ETNK1: variants seen among roughly 807,000 people sequenced by gnomAD.
The protein encoded by ETNK1 is ethanolamine kinase 1.
In ETNK1, 8 loss-of-function variants were observed where a neutral mutation model predicts 45.1. That is an observed-to-expected ratio of 0.18 (90% CI 0.10 to 0.32). ETNK1 has a LOEUF of 0.32. Among genes scored for constraint, ETNK1 ranks in the 10% least tolerant of loss-of-function variants. ETNK1 has a pLI of 1.00. For missense variants in ETNK1, 302 were observed against 430.6 expected (o/e 0.70, Z 2.64); for synonymous variants, 152 against 151.9 (o/e 1.00, Z -0.01).
chr12:22,661,003 C>A, intron 3 of ETNK1, 60 bp from the exon 4 acceptor site: 2 of 1,447,662 alleles, frequency 1.4e-6, no homozygotes, highest in Non-Finnish European at 1.9e-6. Flanking sequence ...AGATTTTAAT[C>A]CTTAATCAAA....
chr12:22,677,088 C>T (rs1484293270), intron 6 of ETNK1, among the ~76,000 whole-genome samples: 3 of 152,112 alleles, frequency 2.0e-5, no homozygotes, highest in Non-Finnish European at 4.4e-5. Context: ...TTTGCCCATG[C>T]CTGTGTCCTG....
At chr12:22,684,815 G>T in intron 7 of ETNK1, 67 bp from the exon 8 acceptor site, 1 of 1,290,658 alleles carries the variant, frequency 7.7e-7, no homozygotes, top group South Asian at 1.3e-5. Context: ...AGGACTGAGT[G>T]AAAATAAGGG....
intron 6 of ETNK1, among the ~76,000 whole-genome samples, chr12:22,681,290 A>G (rs1404156996): frequency 6.6e-6 from 1 of 152,056 alleles, no homozygotes. Flanking sequence ...TTATATAAGT[A>G]TATGAATAAA....
At chr12:22,634,247 G>GA (rs1251705078) in intron 1 of ETNK1, among the ~76,000 whole-genome samples, 1 of 151,618 alleles carries the variant, frequency 6.6e-6, no homozygotes, top group African/African-American at 2.4e-5. Context: ...TACTTTGATT[G>GA]AAAAAAAATT....
Position 22,634,297 on chromosome 12 carries a change from A to G in ETNK1, c.156+8711A>G, listed in dbSNP as rs532286353. On this transcript the variant is annotated intron_variant, in intron 1 of 7. Coordinates refer to ENST00000266517, the MANE Select transcript of ETNK1 (RefSeq NM_018638.5). The stretch of plus-strand genomic sequence containing the variant: ...CCTTTGCATTCCTGGAGAAAACCCT[A>G]TTTGGTTGTATATAGTCTCTTTTTT... Among the ~76,000 whole-genome samples, 6 of 152,158 alleles carry G rather than the reference A, an allele frequency of 3.9e-5. No individual in the cohort carries two copies. In the South Asian group the frequency reaches 1.0e-3, roughly 26 times the overall value.
intron 1 of ETNK1, among the ~76,000 whole-genome samples, chr12:22,634,283 C>G (rs947781135): frequency 6.6e-5 from 10 of 151,862 alleles, no homozygotes; most frequent in Non-Finnish European, 1.3e-4. Flanking sequence ...CTTTGCATTC[C>G]TGGAGAAAAC....
chr12:22,639,689 A>G (rs1953710302), intron 1 of ETNK1, among the ~76,000 whole-genome samples: 1 of 152,062 alleles, frequency 6.6e-6, no homozygotes, highest in South Asian at 2.1e-4. Context: ...AAAAAGAGGA[A>G]GATCTAGAAC....
At chr12:22,678,145 C>T (rs1027889762) in intron 6 of ETNK1, among the ~76,000 whole-genome samples, 6 of 152,096 alleles carry the variant, frequency 3.9e-5, no homozygotes, top group Non-Finnish European at 5.9e-5. Context: ...TAATTTCCTC[C>T]GACTGTTTAT....
chr12:22,649,664 C>G lies in ETNK1; in HGVS notation c.416+5642C>G, dbSNP rs146952180. ...GGTAGTGTTAGTCCTCCAACTTGTT[C>G]TTGTCTTTCAATATTGTGTTGGCTA... On this transcript the variant is annotated intron_variant, in intron 2 of 7. Coordinates refer to ENST00000266517, the MANE Select transcript of ETNK1 (RefSeq NM_018638.5). Among the ~76,000 whole-genome samples, 482 of 152,142 alleles carry G rather than the reference C, an allele frequency of 3.2e-3. 3 individuals are homozygous for G. Among genetic ancestry groups the G allele is most frequent in the African/African-American group, 0.011 (469 of 41,538 alleles).
chr12:22,672,394 A>G (rs1440537027), intron 5 of ETNK1, among the ~76,000 whole-genome samples: 1 of 152,038 alleles, frequency 6.6e-6, no homozygotes, highest in African/African-American at 2.4e-5. Flanking sequence ...ATATTTTTAT[A>G]TACTTCAGAT....
chr12:22,636,302 GA>G (rs1484108521), intron 1 of ETNK1, among the ~76,000 whole-genome samples: 1 of 151,888 alleles, frequency 6.6e-6, no homozygotes, highest in African/African-American at 2.4e-5. Flanking sequence ...TGAGGTCTTG[GA>G]AAAAAATAGT....
intron 3 of ETNK1, among the ~76,000 whole-genome samples, chr12:22,659,751 A>G (rs185592111): frequency 1.3e-5 from 2 of 152,230 alleles, no homozygotes; most frequent in Non-Finnish European, 2.9e-5. Flanking sequence ...TTTAAAAATT[A>G]CTATTGTTAT....
At chr12:22,649,951 CTT>C (rs957623773) in intron 2 of ETNK1, among the ~76,000 whole-genome samples, 1 of 151,936 alleles carries the variant, frequency 6.6e-6, no homozygotes, top group Non-Finnish European at 1.5e-5. Flanking sequence ...TGGAATATCT[CTT>C]ATTTAGTTAT....
Position 22,684,867 on chromosome 12 carries a change from C to T in ETNK1, c.1020-15C>T, listed in dbSNP as rs1954246447. The stretch of plus-strand genomic sequence containing the variant: ...AGCTTTGACTAATTTTTTTGTTGTT[C>T]TCTTTTCTCACTAGGTATGCAATTG... On this transcript the variant is annotated splice_polypyrimidine_tract_variant and intron_variant, in intron 7 of 7. Transcript: ENST00000266517. The T allele has an allele frequency of 1.3e-5, 20 of 1,587,470 alleles. No individual in the cohort carries two copies. Among genetic ancestry groups the T allele is most frequent in the Non-Finnish European group, 1.4e-5 (16 of 1,170,300 alleles).
At chr12:22,670,027 C>G (rs1205766398) in intron 4 of ETNK1, among the ~76,000 whole-genome samples, 2 of 151,820 alleles carry the variant, frequency 1.3e-5, no homozygotes, top group African/African-American at 4.8e-5. Flanking sequence ...AACATTTTTG[C>G]TTTTATGTAA....
rs189757933 is a variant in ETNK1 at position 22,645,511 on chromosome 12, C to T, written c.416+1489C>T. Among the ~76,000 whole-genome samples the T allele has an allele frequency of 8.6e-4, 131 of 151,872 alleles. 1 individual carries two copies. The highest frequency in any genetic ancestry group is 1.6e-3 in the Admixed American group (24 of 15,232). ...TATACTTTTTGGTTAGATCTACTTA[C>T]TTATTATTTCTTTCCCAAATGCCAA... On this transcript the variant is annotated intron_variant, in intron 2 of 7. Transcript: ENST00000266517.
At chr12:22,667,436 C>G (rs1312037943) in intron 4 of ETNK1, among the ~76,000 whole-genome samples, 3 of 152,088 alleles carry the variant, frequency 2.0e-5, no homozygotes, top group African/African-American at 7.2e-5. Context: ...TAGTGCCCCT[C>G]CAGGAGGCTG....
intron 4 of ETNK1, among the ~76,000 whole-genome samples, chr12:22,664,169 T>A (rs73253849): frequency 6.6e-6 from 1 of 151,900 alleles, no homozygotes; most frequent in African/African-American, 2.4e-5. Context: ...TATTATTTAA[T>A]AAATTTAATA....
chr12:22,679,012 C>T (rs930529560), intron 6 of ETNK1, among the ~76,000 whole-genome samples: 7 of 152,214 alleles, frequency 4.6e-5, no homozygotes, highest in Non-Finnish European at 1.0e-4. Context: ...CAAGTACTCA[C>T]ATATGGAGTT....
Sources: allele counts gnomAD v4.1 joint callset (sites outside exome capture counted in the v4.1 genomes callset), GRCh38; gene constraint gnomAD v4.1.1; transcripts MANE v1.5; gene names NCBI Gene and HGNC (gene_info 2026-07-23, HGNC 2026-07-21).